The following ARL6 variants were observed in gnomAD, a reference collection of about 807,000 sequenced individuals.
ARL6 encodes the protein ADP-ribosylation factor-like protein 6.
In ARL6, 18 loss-of-function variants were observed where a neutral mutation model predicts 27.1. That is an observed-to-expected ratio of 0.66 (90% CI 0.46 to 0.98). The LOEUF is 0.98. Ranked by LOEUF, ARL6 falls within the 50% of genes least tolerant of loss-of-function variation. The pLI, the probability that ARL6 is intolerant of heterozygous loss-of-function variation, is 0.00. For synonymous variants in ARL6, 65 were observed against 72.3 expected, an observed-to-expected ratio of 0.90 and a Z score of 0.51; for missense variants, 187 against 214.9, an observed-to-expected ratio of 0.87 and a Z score of 0.81.
In ARL6 at chr3:97,800,022, A is replaced by G. The variant is rs1316797135; in HGVS notation, c.*1973A>G. 1.3e-5 allele frequency: 2 copies of G among 152,058 alleles called. No homozygotes were observed. The highest frequency in any genetic ancestry group is 4.8e-5 in the African/African-American group (2 of 41,418). 9.4% of individuals were successfully genotyped at this position (152,058 alleles called of 1,614,324 possible). A position where few individuals can be genotyped will look rare whatever the true frequency, so the allele number is the denominator to read the frequency against. The stretch of plus-strand genomic sequence containing the variant: ...TTTTGTTTTCTTTTTTTTTCTTTTA[A>G]AGCTATTAACACTACTCAAATTTTA... On this transcript the variant is annotated 3_prime_UTR_variant, in exon 8 of 8. Transcript: ENST00000463745.
In ARL6 at chr3:97,800,948, A is replaced by G. The variant is rs1576491449; in HGVS notation, c.*2899A>G. 6.6e-6 allele frequency: 1 copy of G among 152,126 alleles called. No homozygotes were observed. Among genetic ancestry groups the G allele is most frequent in the African/African-American group, 2.4e-5 (1 of 41,424 alleles). The allele number at this position is 152,126 out of a possible 1,614,324, so 9.4% of individuals were successfully genotyped here. Reference sequence around the variant, plus strand: ...CATCTTCACATGGCTCCTCCCAAAGACCCCACCTCCTAATATCATCACATG... The same window carrying G: ...CATCTTCACATGGCTCCTCCCAAAGGCCCCACCTCCTAATATCATCACATG... On this transcript the variant is annotated 3_prime_UTR_variant, in exon 8 of 8. Transcript: ENST00000463745.
intron 4 of ARL6, 116 bp from the exon 5 acceptor site, chr3:97,784,839 T>C (rs763624475): frequency 1.9e-4 from 130 of 691,822 alleles, no homozygotes; most frequent in Non-Finnish European, 3.0e-4. Flanking sequence ...ATTCTAATGA[T>C]ATATGGACAT....
At position 97,798,102 on chromosome 3, in the gene ARL6, G is replaced by C; in HGVS notation, c.*53G>C. The stretch of plus-strand genomic sequence containing the variant: ...TTTTCAATTCAAGGAATCTATCTAA[G>C]ACAAATAGAATACATTTTGTAAAAG... On this transcript the variant is annotated 3_prime_UTR_variant, in exon 8 of 8. Coordinates refer to ENST00000463745, the MANE Select transcript of ARL6 (RefSeq NM_001278293.3). 3.2e-6 allele frequency: 5 copies of C among 1,541,794 alleles called. No homozygotes were observed. Among genetic ancestry groups the C allele is most frequent in the Non-Finnish European group, 3.6e-6 (4 of 1,117,072 alleles).
At chr3:97,768,640 A>G (rs1451962269) in intron 2 of ARL6, among the ~76,000 whole-genome samples, 2 of 152,140 alleles carry the variant, frequency 1.3e-5, no homozygotes, top group Non-Finnish European at 2.9e-5. Flanking sequence ...CAACAAGTGT[A>G]TGGACATATT....
At chr3:97,782,099 A>G (rs2037227384) in intron 4 of ARL6, among the ~76,000 whole-genome samples, 2 of 152,022 alleles carry the variant, frequency 1.3e-5, no homozygotes, top group South Asian at 2.1e-4. Flanking sequence ...TGGAAAAGGA[A>G]AAGTGGCATG....
At chr3:97,769,899 G>T (rs1252962415) in intron 2 of ARL6, among the ~76,000 whole-genome samples, 2 of 152,030 alleles carry the variant, frequency 1.3e-5, no homozygotes, top group Non-Finnish European at 2.9e-5. Flanking sequence ...ATATTTCATT[G>T]TGTATATGTA....
intron 6 of ARL6, among the ~76,000 whole-genome samples, chr3:97,789,289 G>T (rs1225127567): frequency 6.6e-6 from 1 of 152,074 alleles, no homozygotes; most frequent in Admixed American, 6.6e-5. Context: ...GTAAAGAATG[G>T]TGGGATTTTG....
intron 2 of ARL6, among the ~76,000 whole-genome samples, chr3:97,778,267 C>A (rs764556002): frequency 2.6e-5 from 4 of 151,976 alleles, no homozygotes; most frequent in Admixed American, 6.6e-5. Context: ...TGAATTTTGT[C>A]TTACATAAAC....
At chr3:97,786,945 C>T (rs145526444) in intron 5 of ARL6, among the ~76,000 whole-genome samples, 5 of 152,136 alleles carry the variant, frequency 3.3e-5, no homozygotes, top group Admixed American at 1.3e-4. Context: ...CATTCTTATA[C>T]GTGGTTGTTG....
In ARL6 at chr3:97,768,125, A is replaced by C. The variant is rs1305344070; in HGVS notation, c.18A>C (p.Arg6Ser). ...ATCACATTATGGGATTGCTAGACAG[A>C]CTTTCAGTCTTGCTTGGCCTGAAGA... Reference protein sequence around the residue: MGLLDRLSVLLGLKKK... With the variant: MGLLDSLSVLLGLKKK... Residue 6 changes from arginine to serine, a missense_variant, in exon 2 of 8, where the codon AGA becomes AGC. Coordinates refer to ENST00000463745, the MANE Select transcript of ARL6 (RefSeq NM_001278293.3). 1 of 1,613,022 alleles carries C rather than the reference A, an allele frequency of 6.2e-7. No individual in the cohort carries two copies. Among genetic ancestry groups the C allele is most frequent in the East Asian group, 2.2e-5 (1 of 44,840 alleles).
chr3:97,797,954 C>T, intron 7 of ARL6, 70 bp from the exon 8 acceptor site: 2 of 1,407,178 alleles, frequency 1.4e-6, no homozygotes, highest in Admixed American at 1.7e-5. Context: ...ATAGATTTGA[C>T]TTAGATTACT....
intron 5 of ARL6, among the ~76,000 whole-genome samples, chr3:97,785,731 T>C (rs969257044): frequency 1.1e-4 from 17 of 152,146 alleles, no homozygotes; most frequent in Non-Finnish European, 2.5e-4. Context: ...ATCATTCACC[T>C]GTTGATGTAT....
At chr3:97,776,339 A>T (rs1356153992) in intron 2 of ARL6, among the ~76,000 whole-genome samples, 1 of 151,886 alleles carries the variant, frequency 6.6e-6, no homozygotes, top group Non-Finnish European at 1.5e-5. Context: ...AGATGAAATG[A>T]GTTTTTTGTG....
chr3:97,788,687 T>A (rs77536092), intron 6 of ARL6, among the ~76,000 whole-genome samples: 5,872 of 152,236 alleles, frequency 0.039, 209 homozygotes, highest in African/African-American at 0.095. Context: ...TAAATGGAAA[T>A]GGAAATTTTA....
intron 1 of ARL6, among the ~76,000 whole-genome samples, chr3:97,767,008 A>G (rs2036412365): frequency 6.6e-6 from 1 of 152,196 alleles, no homozygotes; most frequent in Non-Finnish European, 1.5e-5. Flanking sequence ...TAAATTTAAC[A>G]GTACCTTAGA....
At chr3:97,784,244 T>C (rs1209165312) in intron 4 of ARL6, among the ~76,000 whole-genome samples, 2 of 151,848 alleles carry the variant, frequency 1.3e-5, no homozygotes, top group Non-Finnish European at 3.0e-5. Flanking sequence ...CAATAATTTT[T>C]CAAGTGCCTA....
intron 7 of ARL6, among the ~76,000 whole-genome samples, chr3:97,792,934 A>G (rs541448963): frequency 2.6e-4 from 39 of 152,306 alleles, no homozygotes; most frequent in African/African-American, 7.5e-4. Flanking sequence ...AAATTCTTCT[A>G]CACAAACCTT....
At chr3:97,767,424 C>T (rs780147965) in intron 1 of ARL6, among the ~76,000 whole-genome samples, 6 of 151,936 alleles carry the variant, frequency 3.9e-5, no homozygotes, top group Non-Finnish European at 8.8e-5. Context: ...TTTGTGGTGA[C>T]TTACAAAGAT....
intron 4 of ARL6, among the ~76,000 whole-genome samples, chr3:97,781,106 T>TA (rs554721739): frequency 4.4e-4 from 67 of 152,308 alleles, no homozygotes; most frequent in African/African-American, 1.5e-3. Context: ...GCCGCCTCCC[T>TA]AGTGGAAGTG....
Sources: allele counts gnomAD v4.1 joint callset (sites outside exome capture counted in the v4.1 genomes callset), GRCh38; gene constraint gnomAD v4.1.1; transcripts MANE v1.5; gene names NCBI Gene and HGNC (gene_info 2026-07-23, HGNC 2026-07-21).